Variants in KRT82 observed in about 807,000 individuals in gnomAD.
KRT82 encodes the protein keratin 82.
In KRT82, 44 loss-of-function variants were observed where a neutral mutation model predicts 48.0. That is an observed-to-expected ratio of 0.92 (90% CI 0.72 to 1.18). The LOEUF is 1.18. Ranked by LOEUF, KRT82 falls within the 50% of genes most tolerant of loss-of-function variation. The pLI is 0.00. For missense variants in KRT82, 701 were observed against 671.4 expected (o/e 1.04, Z -0.49); for synonymous variants, 297 against 278.3 (o/e 1.07, Z -0.67).
intron 6 of KRT82, among the ~76,000 whole-genome samples, chr12:52,396,593 C>T (rs376383830): frequency 2.0e-4 from 31 of 152,264 alleles, no homozygotes; most frequent in African/African-American, 7.5e-4. Flanking sequence ...TCTGAAGGGA[C>T]CGTGGAGTGC....
intron 8 of KRT82, among the ~76,000 whole-genome samples, chr12:52,395,476 C>T (rs1939700519): frequency 6.6e-6 from 1 of 152,204 alleles, no homozygotes; most frequent in Non-Finnish European, 1.5e-5. Flanking sequence ...AAGCTTGCTT[C>T]AAATCCTCTT....
rs201401388 is a variant in KRT82, at chr12:52,400,022, C to A, written c.905G>T (p.Arg302Leu). Residue 302 changes from arginine (R) to leucine (L), a missense_variant, in exon 5 of 9, where the codon CGC becomes CTC. By Grantham distance (102) the Arg-to-Leu change is moderately radical (BLOSUM62 -2). Transcript: ENST00000257974. ...IKAQYDDIAS[R>L]SKAEAEAWYQ... ...CCAGGCCTCTGCTTCGGCTTTGCTG[C>A]GGCTGGCGATGTCGTCATACTGCGC... is the stretch of plus-strand genomic sequence containing the variant. 6.2e-6 allele frequency: 10 copies of A among 1,614,032 alleles called. No individual in the cohort carries two copies. Among genetic ancestry groups the A allele is most frequent in the Non-Finnish European group, 8.5e-6 (10 of 1,179,992 alleles).
At chr12:52,399,924 T>TCCTCC in intron 5 of KRT82, 61 bp downstream of exon 5, 1 of 1,545,720 alleles carries the variant, frequency 6.5e-7, no homozygotes, top group African/African-American at 1.4e-5. Flanking sequence ...AGTCTGGGGG[T>TCCTCC]CCTCCCCTCC....
chr12:52,400,684 A>G, intron 3 of KRT82, 62 bp from the exon 4 acceptor site: 1 of 1,168,136 alleles, frequency 8.6e-7, no homozygotes, highest in South Asian at 1.2e-5. Context: ...AGCTGGTGGC[A>G]GGGGGAAGGC....
rs1761887338 is a variant in KRT82, at chr12:52,396,945, T to G, written c.1006A>C (p.Ile336Leu). 2 of 1,614,012 alleles carry G rather than the reference T, an allele frequency of 1.2e-6. No homozygotes were observed. Among genetic ancestry groups the G allele is most frequent in the Non-Finnish European group, 1.7e-6 (2 of 1,180,020 alleles). Residue 336 changes from isoleucine (I) to leucine (L), a missense_variant, in exon 6 of 9, where the codon ATC becomes CTC. Physicochemically the swap from Ile to Leu is conservative, Grantham distance 5. Coordinates refer to ENST00000257974, the MANE Select transcript of KRT82 (RefSeq NM_033033.4). ...TGGATCAGTTTATTCATTTCCAGGA[T>G]CTCGTTCTTACGGTTGCGGAGGTTG... ...CDNLRNRKNE[I>L]LEMNKLIQRL... is the part of the protein sequence containing the mutation.
Position 52,400,024 on chromosome 12 carries a change from G to T in KRT82, c.903C>A (p.Ser301Arg), listed in dbSNP as rs146698050. The T allele has an allele frequency of 1.3e-5, 21 of 1,614,082 alleles. No homozygotes were observed. The African/African-American group carries it at 2.5e-4, about 19-fold the overall frequency. The change falls in exon 5 of 9, where the codon AGC becomes AGA. Residue 301 changes from serine to arginine, a missense_variant. By Grantham distance (110) the Ser-to-Arg change is moderately radical (BLOSUM62 -1). Transcript: ENST00000257974. ...EIKAQYDDIA[S>R]RSKAEAEAWY... ...AGGCCTCTGCTTCGGCTTTGCTGCGGCTGGCGATGTCGTCATACTGCGCCT... is the reference window on the plus strand; with the variant it reads ...AGGCCTCTGCTTCGGCTTTGCTGCGTCTGGCGATGTCGTCATACTGCGCCT...
At position 52,405,957 on chromosome 12, in the gene KRT82, C is replaced by T; in HGVS notation, c.321G>A (p.Leu107=). 6.2e-7 allele frequency: 1 copy of T among 1,614,232 alleles called. No homozygotes were observed. The highest frequency in any genetic ancestry group is 1.1e-5 in the South Asian group (1 of 91,078). ...INESLLVPLA[L]EIDPTVQRVK... ...CCCTCTGCACAGTCGGGTCTATCTC[C>T]AGTGCCAGTGGGACCAGCAGGCTCT... The change falls in exon 1 of 9, where the codon CTG becomes CTA. Residue 107 remains leucine (L), a synonymous_variant. Coordinates refer to ENST00000257974, the MANE Select transcript of KRT82 (RefSeq NM_033033.4).
intron 4 of KRT82, 65 bp downstream of exon 4, chr12:52,400,462 C>T (rs558728599): frequency 7.9e-7 from 1 of 1,259,054 alleles, no homozygotes; most frequent in East Asian, 2.3e-5. Flanking sequence ...GGCGGCCACT[C>T]TGCTGCCCTC....
At chr12:52,399,866 G>A in intron 5 of KRT82, 119 bp downstream of exon 5, 5 of 993,894 alleles carry the variant, frequency 5.0e-6, no homozygotes, top group Non-Finnish European at 7.6e-6. Flanking sequence ...CTGTGTCTGT[G>A]GCATGGCGTG....
chr12:52,405,632 T>C (rs1939842136), intron 1 of KRT82, among the ~76,000 whole-genome samples: 1 of 152,232 alleles, frequency 6.6e-6, no homozygotes, highest in Non-Finnish European at 1.5e-5. Flanking sequence ...TTTTGTCAGA[T>C]AATATTCAGA....
chr12:52,396,335 C>T (rs983082262), intron 6 of KRT82, 103 bp from the exon 7 acceptor site: 5 of 1,078,262 alleles, frequency 4.6e-6, no homozygotes, highest in Non-Finnish European at 6.6e-6. Flanking sequence ...GCCAGGCTCA[C>T]ATTTGCGAGC....
rs1032266611 is a variant in KRT82, at chr12:52,405,977, G to A, written c.301C>T (p.Leu101=). The change falls in exon 1 of 9, where the codon CTG becomes TTG. Residue 101 remains leucine, a synonymous_variant. Coordinates refer to ENST00000257974, the MANE Select transcript of KRT82 (RefSeq NM_033033.4). The stretch of plus-strand genomic sequence containing the variant: ...ATCTCCAGTGCCAGTGGGACCAGCA[G>A]GCTCTCATTGATGGTGACAGGGGTG... ...CITPVTINES[L]LVPLALEIDP... is the part of the protein sequence containing the mutation. 6.2e-7 allele frequency: 1 copy of A among 1,614,210 alleles called. No homozygotes were observed. The highest frequency in any genetic ancestry group is 8.5e-7 in the Non-Finnish European group (1 of 1,180,030).
At chr12:52,404,780 G>A (rs1939831443) in intron 1 of KRT82, among the ~76,000 whole-genome samples, 1 of 152,216 alleles carries the variant, frequency 6.6e-6, no homozygotes, top group African/African-American at 2.4e-5. Flanking sequence ...ATAAGCTTTA[G>A]AAATAAAACT....
Position 52,400,521 on chromosome 12 carries a change from G to T in KRT82, c.777+6C>A. On this transcript the variant is annotated splice_donor_region_variant and intron_variant, in intron 4 of 8. Coordinates refer to ENST00000257974, the MANE Select transcript of KRT82 (RefSeq NM_033033.4). ...ACTAACCACCCAAGGTCAGGGCTGT[G>T]GGTACCTCCTCATACAGGCTTTTCA... 2 of 1,610,756 alleles carry T rather than the reference G, an allele frequency of 1.2e-6. No homozygotes were observed. Among genetic ancestry groups the T allele is most frequent in the South Asian group, 1.1e-5 (1 of 91,008 alleles).
At chr12:52,403,675 G>C in intron 2 of KRT82, 26 bp downstream of exon 2, 1 of 1,406,906 alleles carries the variant, frequency 7.1e-7, no homozygotes, top group Non-Finnish European at 1.0e-6. Flanking sequence ...AGGTCCACCA[G>C]TGGGGTAAAA....
Position 52,400,075 on chromosome 12 carries a change from G to A in KRT82, c.852C>T (p.Asp284=), listed in dbSNP as rs748948979. 3.0e-5 allele frequency: 48 copies of A among 1,614,060 alleles called. No homozygotes were observed. Among genetic ancestry groups the A allele is most frequent in the Non-Finnish European group, 3.6e-5 (43 of 1,180,026 alleles). The part of the protein sequence containing the change: ...IVKMDNSREL[D]VDGIIAEIKA... ...TGATCTCAGCGATGATGCCGTCCAC[G>A]TCCAGCTCCCGGCTGTTGTCCATCT... Residue 284 remains aspartate, a synonymous_variant, in exon 5 of 9, where the codon GAC becomes GAT. Transcript: ENST00000257974.
rs1939722272 is a variant in KRT82 at position 52,396,871 on chromosome 12, C to T, written c.1068+12G>A. On this transcript the variant is annotated intron_variant, in intron 6 of 8. Coordinates refer to ENST00000257974, the MANE Select transcript of KRT82 (RefSeq NM_033033.4). ...ATGGCTGTTGCAGCAAGGAAGTCCTCCCCAGCCTCACCTGGGCTTTGACAT... is the reference window on the plus strand; with the variant it reads ...ATGGCTGTTGCAGCAAGGAAGTCCTTCCCAGCCTCACCTGGGCTTTGACAT... 6.2e-7 allele frequency: 1 copy of T among 1,613,408 alleles called. No homozygotes were observed. Among genetic ancestry groups the T allele is most frequent in the African/African-American group, 1.3e-5 (1 of 74,896 alleles).
rs555874263 is a variant in KRT82 at position 52,399,382 on chromosome 12, G to A, written c.942+603C>T. On this transcript the variant is annotated intron_variant, in intron 5 of 8. Coordinates refer to ENST00000257974, the MANE Select transcript of KRT82 (RefSeq NM_033033.4). ...CAGCTTCTAGAACTGTGCTTGGCAC[G>A]TGGTTGATGCTGAATACACAGTGTT... is the stretch of plus-strand genomic sequence containing the variant. Among the ~76,000 whole-genome samples the A allele has an allele frequency of 8.2e-4, 125 of 152,340 alleles. 1 individual carries two copies. Among genetic ancestry groups the A allele is most frequent in the African/African-American group, 3.0e-3 (124 of 41,566 alleles).
Position 52,395,038 on chromosome 12 carries a change from C to A in KRT82, c.1479G>T (p.Gly493=). The A allele has an allele frequency of 6.2e-7, 1 of 1,613,962 alleles. No homozygotes were observed. The highest frequency in any genetic ancestry group is 1.7e-4 in the Middle Eastern group (1 of 6,058). ...PCEPQGLLSC[G]SGRKSSMTLG... ...GCGTCATGCTGGATTTCCGCCCGCT[C>A]CCACAGCTCAGTAGCCCCTGGGGCT... Residue 493 remains glycine, a synonymous_variant, in exon 9 of 9, where the codon GGG becomes GGT. Transcript: ENST00000257974.
Sources: gnomAD v4.1 joint callset for allele counts (sites outside exome capture counted in the v4.1 genomes callset) on GRCh38, gnomAD v4.1.1 for gene constraint, MANE v1.5 for transcripts, NCBI Gene and HGNC (gene_info 2026-07-23, HGNC 2026-07-21) for gene names.